ADAMTS20: variants seen among roughly 807,000 people sequenced by gnomAD.
ADAMTS20 encodes the protein A disintegrin and metalloproteinase with thrombospondin motifs 20.
Under a neutral mutation model 260.1 loss-of-function variants are expected in ADAMTS20, and 225 were observed. The ratio of observed to expected loss-of-function variants is 0.87; its 90% CI spans 0.78 to 0.97. The LOEUF (loss-of-function observed/expected upper bound fraction) is 0.97, where lower values mean the gene tolerates loss of function less well. Among genes scored for constraint, ADAMTS20 ranks in the 50% least tolerant of loss-of-function variants. The pLI is 0.00. For synonymous variants in ADAMTS20, 802 were observed against 769.5 expected (o/e 1.04, Z -0.70); for missense variants, 2,400 against 2,337.7 (o/e 1.03, Z -0.55).
At chr12:43,422,267 T>G (rs1337341086) in intron 28 of ADAMTS20, among the ~76,000 whole-genome samples, 2 of 152,050 alleles carry the variant, frequency 1.3e-5, no homozygotes, top group Non-Finnish European at 2.9e-5. Flanking sequence ...GAAAAATGTT[T>G]CTGAGATTTC....
chr12:43,444,172 C>A (rs1941718881), intron 15 of ADAMTS20, among the ~76,000 whole-genome samples: 1 of 152,070 alleles, frequency 6.6e-6, no homozygotes, highest in Non-Finnish European at 1.5e-5. Flanking sequence ...AGTATTTTAG[C>A]TCCTGAGACC....
chr12:43,425,105 C>A (rs1419653703), intron 28 of ADAMTS20, among the ~76,000 whole-genome samples: 1 of 152,162 alleles, frequency 6.6e-6, no homozygotes, highest in South Asian at 2.1e-4. Flanking sequence ...ACGTCCTTTG[C>A]GGGGACATGG....
intron 2 of ADAMTS20, 22 bp downstream of exon 2, chr12:43,550,887 C>T: frequency 6.6e-7 from 1 of 1,507,510 alleles, no homozygotes; most frequent in Non-Finnish European, 8.9e-7. Context: ...AAGAAAATGC[C>T]AAGGGACCCG....
In ADAMTS20 at chr12:43,440,069, G is replaced by T. The variant is rs376861554; in HGVS notation, c.2291C>A (p.Ala764Glu). ...YSGQPDDSYL[A>E]LSDAEGNFLF... ...AAAATTCCCTTCAGCGTCAGATAAT[G>T]CTGTAAAAGAATAAAGCATAACTCA... is the stretch of plus-strand genomic sequence containing the variant. The change falls in exon 17 of 39, where the codon GCA becomes GAA. Residue 764 changes from alanine (A) to glutamate (E), a missense_variant and splice_region_variant. Physicochemically the swap from Ala to Glu is moderately radical, Grantham distance 107. Coordinates refer to ENST00000389420, the MANE Select transcript of ADAMTS20 (RefSeq NM_025003.5). 6.5e-7 allele frequency: 1 copy of T among 1,547,946 alleles called. No homozygotes were observed. The highest frequency in any genetic ancestry group is 2.4e-5 in the East Asian group (1 of 41,570).
intron 2 of ADAMTS20, among the ~76,000 whole-genome samples, chr12:43,537,575 G>T (rs899858542): frequency 1.3e-5 from 2 of 151,676 alleles, no homozygotes; most frequent in Admixed American, 6.6e-5. Flanking sequence ...AATTATTATT[G>T]ACTATAGTCA....
rs1207251862 is a variant in ADAMTS20 at position 43,551,873 on chromosome 12, A to G, written c.49T>C (p.Phe17Leu). Residue 17 changes from phenylalanine to leucine, a missense_variant, in exon 1 of 39, where the codon TTC (phenylalanine) becomes CTC (leucine). Phe to Leu is a conservative substitution (Grantham distance 22, BLOSUM62 0). Coordinates refer to ENST00000389420, the MANE Select transcript of ADAMTS20 (RefSeq NM_025003.5). This position sits in a 1 kb window ranked among gnomAD's most constrained non-coding sequence, Gnocchi z 4.6. ...LTGLLYHLSL[F>L]ITRSWEVDFH... ...TCAACTTCCCAAGACCTGGTGATGAAGAGCGAGAGATGGTAGAGCAGCCCA... is the reference window on the plus strand; with the variant it reads ...TCAACTTCCCAAGACCTGGTGATGAGGAGCGAGAGATGGTAGAGCAGCCCA... 6.2e-7 allele frequency: 1 copy of G among 1,613,604 alleles called. No individual in the cohort carries two copies. Among genetic ancestry groups the G allele is most frequent in the East Asian group, 2.2e-5 (1 of 44,864 alleles).
At chr12:43,424,065 G>C (rs887299917) in intron 28 of ADAMTS20, 3 of 591,250 alleles carry the variant, frequency 5.1e-6, no homozygotes, top group Non-Finnish European at 9.0e-6. Flanking sequence ...TTATAAAGAT[G>C]TTTGGGTAGG....
rs147463273 is a variant in ADAMTS20, at chr12:43,551,028, G to T, written c.334C>A (p.Pro112Thr). The change falls in exon 2 of 39, where the codon CCG (proline) becomes ACG (threonine). Residue 112 changes from proline (P) to threonine (T), a missense_variant. By Grantham distance (38) the Pro-to-Thr change is conservative. Coordinates refer to ENST00000389420, the MANE Select transcript of ADAMTS20 (RefSeq NM_025003.5). This position sits in a 1 kb window ranked among gnomAD's most constrained non-coding sequence, Gnocchi z 4.6. Reference protein sequence around the residue: ...AGYTEVHLGTPERGAWESDAG... With the variant: ...AGYTEVHLGTTERGAWESDAG... ...TCGCTCTCCCAGGCCCCGCGCTCCG[G>T]GGTTCCCAAGTGCACCTCGGTGTAG... The T allele has an allele frequency of 6.2e-7, 1 of 1,613,388 alleles. No individual in the cohort carries two copies. Among genetic ancestry groups the T allele is most frequent in the Admixed American group, 1.7e-5 (1 of 59,918 alleles).
At position 43,453,888 on chromosome 12, in the gene ADAMTS20, T is replaced by C. The variant is rs749522142; in HGVS notation, c.1760+19A>G. 5 of 1,573,682 alleles carry C rather than the reference T, an allele frequency of 3.2e-6. No homozygotes were observed. In the African/African-American group the frequency reaches 6.8e-5, roughly 21 times the overall value. ...GCCTTGAGATAATCTTAATTTATAG[T>C]GACATAAAAAAGACATACTCAGGAC... On this transcript the variant is annotated intron_variant, in intron 12 of 38. Coordinates refer to ENST00000389420, the MANE Select transcript of ADAMTS20 (RefSeq NM_025003.5).
chr12:43,401,021 T>C (rs1940799538), intron 28 of ADAMTS20, among the ~76,000 whole-genome samples: 1 of 151,866 alleles, frequency 6.6e-6, no homozygotes, highest in Non-Finnish European at 1.5e-5. Context: ...ATTATACCAG[T>C]GTAGGTCTTA....
At chr12:43,456,280 A>G (rs1941962731) in intron 11 of ADAMTS20, among the ~76,000 whole-genome samples, 1 of 152,236 alleles carries the variant, frequency 6.6e-6, no homozygotes, top group Non-Finnish European at 1.5e-5. Flanking sequence ...TTATCACTAC[A>G]GATAATTCAC....
chr12:43,532,245 G>T lies in ADAMTS20; in HGVS notation c.454-50C>A. ...AATTTTTCCTAACAGTCGCCAAGAA[G>T]AAAAAACACATAGTACCACAGGTTA... On this transcript the variant is annotated intron_variant, in intron 2 of 38. Coordinates refer to ENST00000389420, the MANE Select transcript of ADAMTS20 (RefSeq NM_025003.5). 4 of 1,510,038 alleles carry T rather than the reference G, an allele frequency of 2.6e-6. No homozygotes were observed. The South Asian group carries it at 4.9e-5, about 19-fold the overall frequency. 93.5% of individuals were successfully genotyped at this position (1,510,038 alleles called of 1,614,324 possible).
At chr12:43,433,136 T>C (rs1941481790) in intron 19 of ADAMTS20, among the ~76,000 whole-genome samples, 1 of 152,182 alleles carries the variant, frequency 6.6e-6, no homozygotes, top group African/African-American at 2.4e-5. Flanking sequence ...AGATAGTTTA[T>C]CCCTATGCAA....
chr12:43,545,640 A>G (rs1943432276), intron 2 of ADAMTS20, among the ~76,000 whole-genome samples: 2 of 152,170 alleles, frequency 1.3e-5, no homozygotes, highest in African/African-American at 4.8e-5. Context: ...TGAGTATGGT[A>G]GGGATATCAT....
At chr12:43,430,303 T>C (rs780116567) in intron 23 of ADAMTS20, 49 bp downstream of exon 23, 11 of 1,561,248 alleles carry the variant, frequency 7.0e-6, no homozygotes, top group Non-Finnish European at 8.7e-6. Context: ...ACATCAATAA[T>C]CTTTCTGTCT....
intron 4 of ADAMTS20, among the ~76,000 whole-genome samples, chr12:43,493,939 G>A (rs1261511587): frequency 6.6e-6 from 1 of 152,158 alleles, no homozygotes; most frequent in Non-Finnish European, 1.5e-5. Flanking sequence ...AGAATGTTAG[G>A]CACTCTGAAT....
At chr12:43,380,498 C>T (rs961183701) in intron 31 of ADAMTS20, among the ~76,000 whole-genome samples, 1 of 141,756 alleles carries the variant, frequency 7.1e-6, no homozygotes, top group Non-Finnish European at 1.6e-5. Context: ...AAAACTATCT[C>T]TATTTGTAGA....
At chr12:43,531,987 T>G (rs779439869) in intron 3 of ADAMTS20, 49 bp downstream of exon 3, 10 of 1,204,980 alleles carry the variant, frequency 8.3e-6, no homozygotes, top group Non-Finnish European at 9.8e-6. Flanking sequence ...AAAAAAAGAT[T>G]TAAATAGTAT....
intron 3 of ADAMTS20, among the ~76,000 whole-genome samples, chr12:43,521,768 T>G (rs1225489003): frequency 6.6e-6 from 1 of 152,178 alleles, no homozygotes; most frequent in Non-Finnish European, 1.5e-5. Context: ...CTTTCATAAC[T>G]GGTCTCTGTG....
Sources: gnomAD v4.1 joint callset for allele counts (sites outside exome capture counted in the v4.1 genomes callset) on GRCh38, gnomAD v4.1.1 for gene constraint, Gnocchi (gnomAD v3.1) non-coding constraint, MANE v1.5 for transcripts, NCBI Gene and HGNC (gene_info 2026-07-23, HGNC 2026-07-21) for gene names.